ARHGEF33: variants seen among roughly 807,000 people sequenced by gnomAD.
ARHGEF33 encodes DH and coiled-coil domain-containing protein ENSP00000381780.
In ARHGEF33, 72 loss-of-function variants were observed where a neutral mutation model predicts 101.9. That is an observed-to-expected ratio of 0.71 (90% confidence interval 0.58 to 0.86). The LOEUF is 0.86. ARHGEF33 is among the 40% of genes least tolerant of loss of function. ARHGEF33 has a pLI of 0.00. For missense variants in ARHGEF33, 1,169 were observed against 1,111.3 expected (o/e 1.05, Z -0.74); for synonymous variants, 499 against 442.5 (o/e 1.13, Z -1.60).
intron 9 of ARHGEF33, among the ~76,000 whole-genome samples, chr2:38,942,353 G>A (rs1268589469): frequency 6.6e-6 from 1 of 151,420 alleles, no homozygotes; most frequent in Admixed American, 6.6e-5. Flanking sequence ...TTTTAGTAGA[G>A]ATGGGGTTTC....
intron 8 of ARHGEF33, 131 bp from the exon 9 acceptor site, chr2:38,937,204 C>G: frequency 1.6e-6 from 1 of 606,934 alleles, no homozygotes. Flanking sequence ...CCATGTTAGC[C>G]AGGATGGTCT....
rs763971790 is a variant in ARHGEF33, at chr2:38,958,037, A to G, written c.1374A>G (p.Ser458=). 6.8e-5 allele frequency: 105 copies of G among 1,552,180 alleles called. 1 individual carries two copies. Among genetic ancestry groups the G allele is most frequent in the Non-Finnish European group, 9.6e-6 (11 of 1,147,150 alleles). The change falls in exon 15 of 18, where the codon TCA becomes TCG. Residue 458 remains serine (S), a synonymous_variant. Transcript: ENST00000409978. ...ACTGTTATTTCCATTCTGTTAGGTCATCCATGGCGAAGCTGTACAAAGGGC... is the reference window on the plus strand; with the variant it reads ...ACTGTTATTTCCATTCTGTTAGGTCGTCCATGGCGAAGCTGTACAAAGGGC... ...LIQKRKKLKK[S]SMAKLYKGLA...
At chr2:38,963,098 G>C (rs1212809574) in intron 16 of ARHGEF33, among the ~76,000 whole-genome samples, 1 of 151,634 alleles carries the variant, frequency 6.6e-6, no homozygotes, top group Non-Finnish European at 1.5e-5. Flanking sequence ...GGTGGGCAGA[G>C]ACCATGTGGG....
chr2:38,960,543 G>A lies in ARHGEF33; in HGVS notation c.2238G>A (p.Ala746=), dbSNP rs750877619. 2.4e-6 allele frequency: 3 copies of A among 1,258,596 alleles called. No homozygotes were observed. The highest frequency in any genetic ancestry group is 5.0e-5 in the South Asian group (2 of 39,960). The allele number at this position is 1,258,596 out of a possible 1,614,324, so 78.0% of individuals were successfully genotyped here. The change falls in exon 16 of 18, where the codon GCG becomes GCA. Residue 746 remains alanine, a synonymous_variant. Coordinates refer to ENST00000409978, the MANE Select transcript of ARHGEF33 (RefSeq NM_001145451.5). Reference sequence around the variant, plus strand: ...TCAAGGCCGAGCGCGCCGCGCAGGCGCACGGCCCGGCCGCCGCCGCCGTCG... The same window carrying A: ...TCAAGGCCGAGCGCGCCGCGCAGGCACACGGCCCGGCCGCCGCCGCCGTCG... ...APIKAERAAQ[A]HGPAAAAVAA...
At chr2:38,916,305 A>C (rs975382292) in intron 2 of ARHGEF33, among the ~76,000 whole-genome samples, 2 of 152,202 alleles carry the variant, frequency 1.3e-5, no homozygotes, top group African/African-American at 2.4e-5. Flanking sequence ...CCGTTTTTAA[A>C]GCCGGATGGC....
intron 9 of ARHGEF33, among the ~76,000 whole-genome samples, chr2:38,942,207 C>T (rs1667329087): frequency 7.2e-6 from 1 of 138,892 alleles, no homozygotes; most frequent in African/African-American, 2.7e-5. Context: ...TGCTCTGTCA[C>T]ACCCAGGAGG....
At chr2:38,952,394 T>A (rs1413895096) in intron 11 of ARHGEF33, among the ~76,000 whole-genome samples, 1 of 152,204 alleles carries the variant, frequency 6.6e-6, no homozygotes, top group Non-Finnish European at 1.5e-5. Flanking sequence ...AATGCATAGA[T>A]AAATATGTAA....
At chr2:38,938,109 G>A (rs113945018) in intron 9 of ARHGEF33, among the ~76,000 whole-genome samples, 1,797 of 152,256 alleles carry the variant, frequency 0.012, 18 homozygotes, top group Non-Finnish European at 0.018. Flanking sequence ...TTATGAAGAA[G>A]AGCGCCAACA....
intron 7 of ARHGEF33, among the ~76,000 whole-genome samples, chr2:38,931,626 A>G (rs1192684033): frequency 6.6e-6 from 1 of 152,176 alleles, no homozygotes; most frequent in Non-Finnish European, 1.5e-5. Flanking sequence ...TTTCTCTGGA[A>G]AACCAGAGCT....
At chr2:38,910,988 TC>T (rs996624952) in intron 2 of ARHGEF33, among the ~76,000 whole-genome samples, 2 of 152,172 alleles carry the variant, frequency 1.3e-5, no homozygotes, top group African/African-American at 4.8e-5. Flanking sequence ...AGCTATGGCT[TC>T]CTTGGGTATA....
Position 38,960,009 on chromosome 2 carries a change from G to C in ARHGEF33, c.1704G>C (p.Leu568=), listed in dbSNP as rs1241451271. The C allele has an allele frequency of 7.7e-6, 12 of 1,548,892 alleles. No homozygotes were observed. Among genetic ancestry groups the C allele is most frequent in the African/African-American group, 1.4e-5 (1 of 73,012 alleles). Residue 568 remains leucine (L), a synonymous_variant, in exon 16 of 18, where the codon CTG becomes CTC. Coordinates refer to ENST00000409978, the MANE Select transcript of ARHGEF33 (RefSeq NM_001145451.5). ...CGGCCGAGCAGGACGTGAAGGCGCT[G>C]GCCGGGCCCCTGCAGGCCATCCCGG... ...FCAAEQDVKA[L]AGPLQAIPEM...
In ARHGEF33 at chr2:38,960,451, C is replaced by G. The variant is rs1399343302; in HGVS notation, c.2146C>G (p.Pro716Ala). 1 of 1,495,062 alleles carries G rather than the reference C, an allele frequency of 6.7e-7. No homozygotes were observed. The highest frequency in any genetic ancestry group is 1.5e-5 in the African/African-American group (1 of 68,706). 92.6% of individuals were successfully genotyped at this position (1,495,062 alleles called of 1,614,324 possible). A position where few individuals can be genotyped will look rare whatever the true frequency, so the allele number is the denominator to read the frequency against. ...SRSLKEFPRA[P>A]PADGVAPRLY... Reference sequence around the variant, plus strand: ...CTCTCTCAAAGAGTTCCCGCGTGCGCCGCCAGCCGACGGCGTGGCCCCACG... The same window carrying G: ...CTCTCTCAAAGAGTTCCCGCGTGCGGCGCCAGCCGACGGCGTGGCCCCACG... Residue 716 changes from proline to alanine, a missense_variant, in exon 16 of 18, where the codon CCG (proline) becomes GCG (alanine). Transcript: ENST00000409978.
At position 38,974,145 on chromosome 2, in the gene ARHGEF33, T is replaced by G. The variant is rs1365737251; in HGVS notation, c.*302T>G. On this transcript the variant is annotated 3_prime_UTR_variant, in exon 18 of 18. Coordinates refer to ENST00000409978, the MANE Select transcript of ARHGEF33 (RefSeq NM_001145451.5). The stretch of plus-strand genomic sequence containing the variant: ...AAATTTGGAGGAAAATAAATGTTTG[T>G]AAGAATGAAAACTTCCAACTTGAAG... 6.5e-6 allele frequency: 1 copy of G among 153,562 alleles called. No individual in the cohort carries two copies. Among genetic ancestry groups the G allele is most frequent in the African/African-American group, 2.4e-5 (1 of 41,460 alleles). 9.5% of individuals were successfully genotyped at this position (153,562 alleles called of 1,614,324 possible).
intron 2 of ARHGEF33, among the ~76,000 whole-genome samples, chr2:38,903,116 C>A (rs1666286048): frequency 6.6e-6 from 1 of 152,144 alleles, no homozygotes; most frequent in African/African-American, 2.4e-5. Flanking sequence ...CCCAGGATTT[C>A]CACAAATGAG....
At chr2:38,951,500 C>T (rs1667603858) in intron 11 of ARHGEF33, among the ~76,000 whole-genome samples, 1 of 151,976 alleles carries the variant, frequency 6.6e-6, no homozygotes, top group African/African-American at 2.4e-5. Context: ...GGTGTGGTGG[C>T]TCGTGCCTGT....
intron 1 of ARHGEF33, among the ~76,000 whole-genome samples, chr2:38,891,340 C>G (rs1481010515): frequency 2.6e-5 from 4 of 152,044 alleles, no homozygotes; most frequent in East Asian, 3.9e-4. Flanking sequence ...AATGTAGATA[C>G]AAAGATCAAC....
At chr2:38,937,277 T>A (rs1025720251) in intron 8 of ARHGEF33, 58 bp from the exon 9 acceptor site, 9 of 849,012 alleles carry the variant, frequency 1.1e-5, no homozygotes, top group African/African-American at 1.7e-5. Flanking sequence ...ACATATTTTT[T>A]AAAAAGATTT....
chr2:38,900,107 G>C (rs1666208052), intron 2 of ARHGEF33, among the ~76,000 whole-genome samples: 1 of 152,150 alleles, frequency 6.6e-6, no homozygotes, highest in Admixed American at 6.5e-5. Context: ...TAGGAAGGTT[G>C]CTTGAGCCCT....
chr2:38,937,579 G>T lies in ARHGEF33; in HGVS notation c.790+20G>T. 7.5e-7 allele frequency: 1 copy of T among 1,331,132 alleles called. No individual in the cohort carries two copies. The highest frequency in any genetic ancestry group is 1.1e-6 in the Non-Finnish European group (1 of 948,420). 82.5% of individuals were successfully genotyped at this position (1,331,132 alleles called of 1,614,324 possible). ...TAGCTGGTAAGTTCCAAGGGGGAAT[G>T]CAGGCTAATAGTTTAAAGAACAGGA... On this transcript the variant is annotated intron_variant, in intron 9 of 17. Transcript: ENST00000409978.
Sources: gnomAD v4.1 joint callset for allele counts (sites outside exome capture counted in the v4.1 genomes callset) on GRCh38, gnomAD v4.1.1 for gene constraint, MANE v1.5 for transcripts, NCBI Gene and HGNC (gene_info 2026-07-23, HGNC 2026-07-21) for gene names.